Variants in PDE4D observed in about 807,000 individuals in gnomAD.
PDE4D encodes the protein 3',5'-cyclic-AMP phosphodiesterase 4D.
PDE4D carries 24 observed loss-of-function variants against 87.4 expected under a neutral mutation model. The ratio of observed to expected loss-of-function variants is 0.27; its 90% CI spans 0.20 to 0.39. PDE4D has a LOEUF of 0.39. PDE4D is among the 10% of genes least tolerant of loss of function. PDE4D has a pLI of 1.00. For missense variants in PDE4D, 714 were observed against 1,041.0 expected (o/e 0.69, Z 4.32); for synonymous variants, 384 against 383.2 (o/e 1.00, Z -0.02).
intron 1 of PDE4D, among the ~76,000 whole-genome samples, chr5:60,443,030 G>A (rs984917883): frequency 1.3e-5 from 2 of 151,910 alleles, no homozygotes; most frequent in East Asian, 1.9e-4. Context: ...AGAGGACCAC[G>A]GAAGAAACAG....
At chr5:60,345,715 T>C (rs1252132743) in intron 1 of PDE4D, among the ~76,000 whole-genome samples, 1 of 152,074 alleles carries the variant, frequency 6.6e-6, no homozygotes, top group Non-Finnish European at 1.5e-5. Flanking sequence ...TTAGGTACTA[T>C]TCAACTTTTT....
At chr5:59,390,136 C>T (rs1787945739) in intron 1 of PDE4D, among the ~76,000 whole-genome samples, 1 of 151,722 alleles carries the variant, frequency 6.6e-6, no homozygotes, top group Non-Finnish European at 1.5e-5. Context: ...TGCATCAATA[C>T]AAATATTTAC....
At chr5:59,885,728 G>GTT (rs35486582) in intron 1 of PDE4D, among the ~76,000 whole-genome samples, 14 of 150,822 alleles carry the variant, frequency 9.3e-5, no homozygotes, top group Middle Eastern at 3.4e-3. Flanking sequence ...CTTACATGTT[G>GTT]TTTTTTTTTC....
At chr5:59,530,446 T>C (rs1292050920) in intron 1 of PDE4D, among the ~76,000 whole-genome samples, 3 of 152,104 alleles carry the variant, frequency 2.0e-5, no homozygotes, top group Non-Finnish European at 4.4e-5. Flanking sequence ...TAAAATGACA[T>C]AGTATTTGTA....
At chr5:59,292,893 T>C (rs569103665) in intron 1 of PDE4D, among the ~76,000 whole-genome samples, 1 of 152,288 alleles carries the variant, frequency 6.6e-6, no homozygotes, top group African/African-American at 2.4e-5. Context: ...CAAGGAGATG[T>C]ATTTAGCATT....
At chr5:59,770,236 C>CTA (rs1363854281) in intron 1 of PDE4D, among the ~76,000 whole-genome samples, 3 of 152,046 alleles carry the variant, frequency 2.0e-5, no homozygotes, top group East Asian at 1.9e-4. Context: ...TGTGTATTGT[C>CTA]TATATATATA....
intron 2 of PDE4D, among the ~76,000 whole-genome samples, chr5:60,143,804 A>G (rs1405407681): frequency 6.6e-6 from 1 of 152,156 alleles, no homozygotes; most frequent in Non-Finnish European, 1.5e-5. Flanking sequence ...TATTTGCTAC[A>G]TTTATATAAA....
chr5:59,567,527 G>A (rs1821144523), intron 1 of PDE4D, among the ~76,000 whole-genome samples: 1 of 152,100 alleles, frequency 6.6e-6, no homozygotes, highest in African/African-American at 2.4e-5. Context: ...CAAGTTAACT[G>A]CAAACAATAT....
chr5:59,035,502 C>T (rs796700872), intron 6 of PDE4D, among the ~76,000 whole-genome samples: 3 of 152,300 alleles, frequency 2.0e-5, no homozygotes, highest in African/African-American at 7.2e-5. Flanking sequence ...ATTTTAGCCA[C>T]GTAGGCAACC....
At chr5:60,307,498 A>G (rs781311748) in intron 1 of PDE4D, among the ~76,000 whole-genome samples, 2 of 152,182 alleles carry the variant, frequency 1.3e-5, no homozygotes, top group Non-Finnish European at 2.9e-5. Context: ...ACATGCCAGC[A>G]AATTCTCAGG....
intron 2 of PDE4D, among the ~76,000 whole-genome samples, chr5:60,133,071 C>G (rs1779724678): frequency 6.6e-6 from 1 of 152,058 alleles, no homozygotes; most frequent in South Asian, 2.1e-4. Context: ...CTCATGTTTC[C>G]ACATAAAAAG....
chr5:59,410,210 T>C (rs977677067), intron 1 of PDE4D, among the ~76,000 whole-genome samples: 2 of 152,090 alleles, frequency 1.3e-5, no homozygotes, highest in Admixed American at 6.5e-5. Context: ...ATAAATGGCA[T>C]CCTACTCTCT....
intron 1 of PDE4D, among the ~76,000 whole-genome samples, chr5:59,715,244 G>A (rs865924909): frequency 4.6e-5 from 7 of 152,214 alleles, no homozygotes; most frequent in Admixed American, 6.5e-5. Context: ...AAGCAACAGA[G>A]TACGCTGAGT....
chr5:59,204,855 T>C (rs1748396055), intron 2 of PDE4D, among the ~76,000 whole-genome samples: 1 of 152,236 alleles, frequency 6.6e-6, no homozygotes, highest in African/African-American at 2.4e-5. Context: ...GCAACAATTT[T>C]AAAGGTCTGC....
intron 1 of PDE4D, among the ~76,000 whole-genome samples, chr5:59,420,464 C>G (rs1043497253): frequency 2.6e-5 from 4 of 152,124 alleles, no homozygotes; most frequent in African/African-American, 4.8e-5. Context: ...CAGGACTCAT[C>G]ATATGGGATT....
chr5:59,904,209 G>A (rs941004028), intron 3 of PDE4D, among the ~76,000 whole-genome samples: 2 of 152,084 alleles, frequency 1.3e-5, no homozygotes, highest in African/African-American at 4.8e-5. Context: ...CATATGTATA[G>A]ATATGTATGT....
intron 3 of PDE4D, among the ~76,000 whole-genome samples, chr5:59,941,045 TC>T (rs1489665904): frequency 6.6e-6 from 1 of 152,202 alleles, no homozygotes; most frequent in African/African-American, 2.4e-5. Context: ...TAGCAACTCT[TC>T]TTACTCCCCC....
At chr5:59,929,194 A>G (rs905183821) in intron 3 of PDE4D, among the ~76,000 whole-genome samples, 3 of 152,158 alleles carry the variant, frequency 2.0e-5, no homozygotes, top group Non-Finnish European at 4.4e-5. Context: ...CTTTTACTAC[A>G]TGTCATCCAT....
At chr5:60,278,726 C>G (rs76492626) in intron 1 of PDE4D, among the ~76,000 whole-genome samples, 1 of 152,024 alleles carries the variant, frequency 6.6e-6, no homozygotes, top group Non-Finnish European at 1.5e-5. Context: ...TAAAACTCCA[C>G]GTGGCTCATC....
Sources: allele counts gnomAD v4.1 joint callset (sites outside exome capture counted in the v4.1 genomes callset), GRCh38; gene constraint gnomAD v4.1.1; transcripts MANE v1.5; gene names NCBI Gene and HGNC (gene_info 2026-07-23, HGNC 2026-07-21).